Variants in SLC22A9 observed in about 807,000 individuals in gnomAD.
The protein encoded by SLC22A9 is organic anion transporter 7.
Under a neutral mutation model 50.1 loss-of-function variants are expected in SLC22A9, and 64 were observed. That is an observed-to-expected ratio of 1.28 (90% CI 1.04 to 1.57). SLC22A9 has a LOEUF of 1.57. Among genes scored for constraint, SLC22A9 ranks in the 40% most tolerant of loss-of-function variants. The pLI is 0.00. For synonymous variants in SLC22A9, 261 were observed against 242.5 expected, an observed-to-expected ratio of 1.08 and a Z score of -0.71; for missense variants, 757 against 676.1, an observed-to-expected ratio of 1.12 and a Z score of -1.33.
intron 6 of SLC22A9, among the ~76,000 whole-genome samples, chr11:63,403,417 C>T (rs554233993): frequency 3.0e-4 from 46 of 152,126 alleles, no homozygotes; most frequent in African/African-American, 1.0e-3. Context: ...CCCACACAAA[C>T]AAAAGTTGAG....
At chr11:63,383,438 T>C (rs932689840) in intron 6 of SLC22A9, among the ~76,000 whole-genome samples, 1 of 152,176 alleles carries the variant, frequency 6.6e-6, no homozygotes, top group Non-Finnish European at 1.5e-5. Flanking sequence ...TAGATCTCTC[T>C]GATCAGAAAT....
Position 63,410,007 on chromosome 11 carries a change from G to A in SLC22A9, c.*145G>A. On this transcript the variant is annotated 3_prime_UTR_variant, in exon 10 of 10. Transcript: ENST00000279178. ...TGTAATCCCAGCACCTTGGGAGGCT[G>A]AGGCGGGCAGATCATGAGGTCAGAA... 3 of 753,320 alleles carry A rather than the reference G, an allele frequency of 4.0e-6. No homozygotes were observed. In the South Asian group the frequency reaches 5.2e-5, roughly 13 times the overall value. The allele number at this position is 753,320 out of a possible 1,614,324, so 46.7% of individuals were successfully genotyped here.
chr11:63,376,504 T>C lies in SLC22A9; in HGVS notation c.954+736T>C, dbSNP rs555210263. 7.0e-4 allele frequency among the ~76,000 whole-genome samples: 107 copies of C among 151,784 alleles called. 1 individual carries two copies. Among genetic ancestry groups the C allele is most frequent in the Non-Finnish European group, 1.3e-3 (87 of 67,900 alleles). Reference sequence around the variant, plus strand: ...GGTATGCACAAATGATACTAGATCATGAATAACAGAATAAGTCAAGGTAAC... The same window carrying C: ...GGTATGCACAAATGATACTAGATCACGAATAACAGAATAAGTCAAGGTAAC... On this transcript the variant is annotated intron_variant, in intron 5 of 9. Transcript: ENST00000279178.
chr11:63,403,830 AATCAATC>A (rs1565189863), intron 6 of SLC22A9, among the ~76,000 whole-genome samples: 31 of 152,192 alleles, frequency 2.0e-4, no homozygotes, highest in African/African-American at 7.5e-4. Flanking sequence ...TAAATCAATC[AATCAATC>A]AATAAATAAA....
intron 2 of SLC22A9, among the ~76,000 whole-genome samples, chr11:63,373,223 C>T: frequency 6.6e-6 from 1 of 151,388 alleles, no homozygotes; most frequent in Non-Finnish European, 1.5e-5. Context: ...TACCCATAGC[C>T]TGCACTGTCC....
chr11:63,408,131 G>C lies in SLC22A9; in HGVS notation c.1308G>C (p.Glu436Asp). 6.2e-7 allele frequency: 1 copy of C among 1,613,602 alleles called. No individual in the cohort carries two copies. Among genetic ancestry groups the C allele is most frequent in the East Asian group, 2.2e-5 (1 of 44,860 alleles). The change falls in exon 8 of 10, where the codon GAG becomes GAC. Residue 436 changes from glutamate to aspartate, a missense_variant. Transcript: ENST00000279178. ...CTCCAGAAATGCAGACGCTGCGTGA[G>C]GTTTTGGCAACACTGGGCTTAGGAG... ...FVPQEMQTLR[E>D]VLATLGLGAS...
At chr11:63,403,219 A>G (rs1376835847) in intron 6 of SLC22A9, among the ~76,000 whole-genome samples, 1 of 152,104 alleles carries the variant, frequency 6.6e-6, no homozygotes, top group Non-Finnish European at 1.5e-5. Flanking sequence ...CAGCAAGATA[A>G]AGTGACTGAC....
chr11:63,393,017 T>A (rs972929397), intron 6 of SLC22A9, among the ~76,000 whole-genome samples: 1 of 152,190 alleles, frequency 6.6e-6, no homozygotes, highest in African/African-American at 2.4e-5. Flanking sequence ...TTTCTAATTC[T>A]GTGAAAAATG....
intron 6 of SLC22A9, among the ~76,000 whole-genome samples, chr11:63,383,523 T>G (rs183012795): frequency 6.6e-6 from 1 of 152,228 alleles, no homozygotes; most frequent in Non-Finnish European, 1.5e-5. Context: ...TTTGGGTTGA[T>G]TGGTGAAGGT....
intron 6 of SLC22A9, among the ~76,000 whole-genome samples, chr11:63,388,072 G>A (rs570500718): frequency 3.9e-5 from 6 of 151,928 alleles, no homozygotes; most frequent in African/African-American, 1.4e-4. Context: ...TTTGTGGTGG[G>A]GTCTTTAGAT....
intron 6 of SLC22A9, among the ~76,000 whole-genome samples, chr11:63,405,117 T>C (rs550264792): frequency 6.6e-6 from 1 of 151,540 alleles, no homozygotes; most frequent in South Asian, 2.1e-4. Context: ...GCTATTGAAA[T>C]AATAACAATA....
rs562871921 is a variant in SLC22A9 at position 63,375,688 on chromosome 11, C to T, written c.874C>T (p.Pro292Ser). The change falls in exon 5 of 10, where the codon CCA (proline) becomes TCA (serine). Residue 292 changes from proline to serine, a missense_variant. By Grantham distance (74) the Pro-to-Ser change is moderately conservative (BLOSUM62 -1). Transcript: ENST00000279178. ...SARWLIINNK[P>S]EEGLKELRKA... ...TCGGTGGCTCATTATCAACAATAAA[C>T]CAGAGGAAGGCTTAAAGGAACTTAG... 21 of 1,612,554 alleles carry T rather than the reference C, an allele frequency of 1.3e-5. No homozygotes were observed. The South Asian group carries it at 1.9e-4, about 14-fold the overall frequency.
intron 6 of SLC22A9, among the ~76,000 whole-genome samples, chr11:63,396,680 C>A (rs2014864026): frequency 6.6e-6 from 1 of 152,152 alleles, no homozygotes; most frequent in African/African-American, 2.4e-5. Context: ...ACTTCAATTG[C>A]ATTTTCAACT....
Position 63,373,502 on chromosome 11 carries a change from A to C in SLC22A9, c.507-142A>C, listed in dbSNP as rs575462126. On this transcript the variant is annotated intron_variant, in intron 2 of 9. Transcript: ENST00000279178. Reference sequence around the variant, plus strand: ...GGGAACATTGTGTCTGAGATCTGCCATTGATTACTGATTCTTTAAGGCTTC... The same window carrying C: ...GGGAACATTGTGTCTGAGATCTGCCCTTGATTACTGATTCTTTAAGGCTTC... The C allele has an allele frequency of 1.5e-5, 11 of 733,890 alleles. No homozygotes were observed. The East Asian group carries it at 3.4e-4, about 23-fold the overall frequency. 45.5% of individuals were successfully genotyped at this position (733,890 alleles called of 1,614,324 possible).
intron 4 of SLC22A9, 103 bp downstream of exon 4, chr11:63,374,165 A>G: frequency 8.9e-7 from 1 of 1,120,034 alleles, no homozygotes; most frequent in Non-Finnish European, 1.2e-6. Context: ...TAAACCTGAG[A>G]GCACGTCCTC....
chr11:63,388,238 G>A (rs2014702707), intron 6 of SLC22A9, among the ~76,000 whole-genome samples: 1 of 152,102 alleles, frequency 6.6e-6, no homozygotes, highest in Non-Finnish European at 1.5e-5. Context: ...GGCATCTTTT[G>A]TGTTTCAGAT....
chr11:63,407,735 G>T (rs1419621059), intron 7 of SLC22A9, among the ~76,000 whole-genome samples: 1 of 151,958 alleles, frequency 6.6e-6, no homozygotes, highest in African/African-American at 2.4e-5. Flanking sequence ...AACATGGATG[G>T]GTCTTATACT....
At chr11:63,388,604 T>C (rs1041248451) in intron 6 of SLC22A9, among the ~76,000 whole-genome samples, 1 of 152,120 alleles carries the variant, frequency 6.6e-6, no homozygotes, top group Non-Finnish European at 1.5e-5. Context: ...TTTGCATCAA[T>C]GTTCAACAGG....
At chr11:63,409,486 T>A (rs977853693) in intron 9 of SLC22A9, among the ~76,000 whole-genome samples, 2 of 151,678 alleles carry the variant, frequency 1.3e-5, no homozygotes, top group Non-Finnish European at 2.9e-5. Flanking sequence ...TTAAGAAAGT[T>A]TACAAATTTG....
Sources: gnomAD v4.1 joint callset for allele counts (sites outside exome capture counted in the v4.1 genomes callset) on GRCh38, gnomAD v4.1.1 for gene constraint, MANE v1.5 for transcripts, NCBI Gene and HGNC (gene_info 2026-07-23, HGNC 2026-07-21) for gene names.